PTCH1: variants seen among roughly 807,000 people sequenced by gnomAD.
The protein encoded by PTCH1 is patched 1.
Under a neutral mutation model 144.6 loss-of-function variants are expected in PTCH1, and 14 were observed. The observed-to-expected ratio is 0.10, with a 90% CI of 0.06 to 0.15. PTCH1 has a LOEUF of 0.15. PTCH1 is among the 10% of genes least tolerant of loss of function. PTCH1 has a pLI of 1.00. For synonymous variants in PTCH1, 833 were observed against 793.6 expected (o/e 1.05, Z -0.83); for missense variants, 1,623 against 1,948.3 (o/e 0.83, Z 3.14).
intron 2 of PTCH1, among the ~76,000 whole-genome samples, chr9:95,492,088 C>T (rs554699456): frequency 2.6e-5 from 4 of 152,250 alleles, no homozygotes; most frequent in South Asian, 2.1e-4. Flanking sequence ...GATGTCTCCT[C>T]GCCCCTACAC....
chr9:95,510,526 G>T (rs1036151187), upstream of PTCH1, among the ~76,000 whole-genome samples: 3 of 152,134 alleles, frequency 2.0e-5, no homozygotes, highest in African/African-American at 4.8e-5. Context: ...TTTGTTTTCG[G>T]AAAGTGGAAT....
At chr9:95,478,426 C>T (rs1239463506) in intron 8 of PTCH1, among the ~76,000 whole-genome samples, 2 of 152,134 alleles carry the variant, frequency 1.3e-5, no homozygotes, top group East Asian at 1.9e-4. Context: ...GGGCTGGTGT[C>T]GCTGGAGTTC....
exon 1 of PTCH1, chr9:95,516,552 T>C: frequency 6.5e-7 from 1 of 1,544,390 alleles, no homozygotes; most frequent in South Asian, 1.2e-5. Flanking sequence ...ATTCCTTTTT[T>C]TTCCCTGGCC....
At chr9:95,455,513 T>TAC (rs895769462) in intron 19 of PTCH1, among the ~76,000 whole-genome samples, 2 of 152,258 alleles carry the variant, frequency 1.3e-5, no homozygotes, top group Non-Finnish European at 2.9e-5. Flanking sequence ...GAACATAATT[T>TAC]ACACAGTTGT....
chr9:95,481,899 C>T (rs368688304), intron 5 of PTCH1, 50 bp downstream of exon 5: 26 of 1,450,766 alleles, frequency 1.8e-5, no homozygotes, highest in Non-Finnish European at 2.5e-5. Context: ...ATTAGAAACA[C>T]TGAGTCCTAG....
Position 95,449,469 on chromosome 9 carries a change from A to AC in PTCH1, c.3550-147dup. The stretch of plus-strand genomic sequence containing the variant: ...GTGCCGTATTAACCTCCCCTTCTCT[A>AC]CCACCTGGAGGACCTTCAGGTCCCG... On this transcript the variant is annotated intron_variant, in intron 21 of 23. Transcript: ENST00000331920. This position sits in a 1 kb window ranked among gnomAD's most constrained non-coding sequence, Gnocchi z 5.3. The AC allele has an allele frequency of 8.5e-7, 1 of 1,182,578 alleles. No individual in the cohort carries two copies. The highest frequency in any genetic ancestry group is 1.2e-6 in the Non-Finnish European group (1 of 831,572). 73.3% of individuals were successfully genotyped at this position (1,182,578 alleles called of 1,614,324 possible).
rs1280569674 is a variant in PTCH1, at chr9:95,503,744, C to T, written c.394+2663G>A. Reference sequence around the variant, plus strand: ...TATAAAAACAAAATAGGGCCGGGCGCGGTGGCTCACGCCTGTAATCCCAGC... The same window carrying T: ...TATAAAAACAAAATAGGGCCGGGCGTGGTGGCTCACGCCTGTAATCCCAGC... On this transcript the variant is annotated intron_variant, in intron 2 of 23. Coordinates refer to ENST00000331920, the MANE Select transcript of PTCH1 (RefSeq NM_000264.5). Among the ~76,000 whole-genome samples, 4 of 58,020 alleles carry T rather than the reference C, an allele frequency of 6.9e-5. 1 individual carries two copies. Among genetic ancestry groups the T allele is most frequent in the Admixed American group, 2.3e-4 (2 of 8,800 alleles). 38.1% of individuals were successfully genotyped at this position (58,020 alleles called of 152,430 possible).
At chr9:95,506,373 C>CCGGGGG in intron 2 of PTCH1, 34 bp downstream of exon 2, 3 of 1,603,508 alleles carry the variant, frequency 1.9e-6, no homozygotes, top group African/African-American at 1.3e-5. Context: ...AGGGACCGGG[C>CCGGGGG]CGGGGGCGCG....
rs1588544426 is a variant in PTCH1 at position 95,459,657 on chromosome 9, G to A, written c.2830C>T (p.His944Tyr). The change falls in exon 17 of 24, where the codon CAC becomes TAC. Residue 944 changes from histidine to tyrosine, a missense_variant. His to Tyr is a moderately conservative substitution (Grantham distance 83, BLOSUM62 2). Around this residue, in one of 7 missense-constraint regions of PTCH1, gnomAD observed 504 missense variants for 679.3 expected, o/e 0.74. Transcript: ENST00000331920. ...YAASQANIRP[H>Y]RPEWVHDKAD... is the part of the protein sequence containing the mutation. Reference sequence around the variant, plus strand: ...TTGTCGTGGACCCATTCTGGTCGGTGTGGCCGGATGTTGGCCTGGGAGGCA... The same window carrying A: ...TTGTCGTGGACCCATTCTGGTCGGTATGGCCGGATGTTGGCCTGGGAGGCA... 6.2e-7 allele frequency: 1 copy of A among 1,614,176 alleles called. No individual in the cohort carries two copies. The highest frequency in any genetic ancestry group is 1.3e-5 in the African/African-American group (1 of 75,044).
chr9:95,465,667 G>A lies in PTCH1; in HGVS notation c.2560+1449C>T, dbSNP rs147934541. The stretch of plus-strand genomic sequence containing the variant: ...TTGACCATTTCCTGCAAACTCTCAG[G>A]GAAACTGGCTGCTGAGTCTTTACAT... On this transcript the variant is annotated intron_variant, in intron 15 of 23. Transcript: ENST00000331920. 2.7e-3 allele frequency among the ~76,000 whole-genome samples: 409 copies of A among 152,220 alleles called. 4 individuals are homozygous for A. The highest frequency in any genetic ancestry group is 0.01 in the Middle Eastern group (3 of 294).
In PTCH1 at chr9:95,447,349, G is replaced by T. The variant is rs56102979; in HGVS notation, c.3907C>A (p.Arg1303Ser). Residue 1303 changes from arginine (R) to serine (S), a missense_variant, in exon 23 of 24, where the codon CGC (arginine) becomes AGC (serine). Around this residue, in one of 7 missense-constraint regions of PTCH1, gnomAD observed 291 missense variants for 287.4 expected, o/e 1.01. Coordinates refer to ENST00000331920, the MANE Select transcript of PTCH1 (RefSeq NM_000264.5). ...LPPGRQGQQP[R>S]RDPPREGLWP... is the part of the protein sequence containing the mutation. Reference sequence around the variant, plus strand: ...AAGCCTTCTCTGGGGGGGTCCCTGCGGGGCTGCTGGCCTTGCCGTCCGGGA... The same window carrying T: ...AAGCCTTCTCTGGGGGGGTCCCTGCTGGGCTGCTGGCCTTGCCGTCCGGGA... The T allele has an allele frequency of 6.2e-7, 1 of 1,613,288 alleles. No homozygotes were observed. The highest frequency in any genetic ancestry group is 8.5e-7 in the Non-Finnish European group (1 of 1,179,766).
chr9:95,507,505 T>G (rs1417326881), intron 1 of PTCH1: 2 of 945,268 alleles, frequency 2.1e-6, no homozygotes, highest in African/African-American at 1.8e-5. Flanking sequence ...AGGTGGCAAT[T>G]TGTTTACAAC....
Position 95,476,074 on chromosome 9 carries a change from G to A in PTCH1, c.1688C>T (p.Ala563Val). 2 of 1,614,052 alleles carry A rather than the reference G, an allele frequency of 1.2e-6. No homozygotes were observed. Among genetic ancestry groups the A allele is most frequent in the Non-Finnish European group, 1.7e-6 (2 of 1,179,992 alleles). Residue 563 changes from alanine (A) to valine (V), a missense_variant, in exon 12 of 24, where the codon GCG becomes GTG. Physicochemically the swap from Ala to Val is moderately conservative, Grantham distance 64. Transcript: ENST00000331920. The surrounding 1 kb of genome is among the most constrained non-coding windows in gnomAD (Gnocchi z 4.6). ...ISNVTAFFMA[A>V]LIPIPALRAF... ...CCGCAGAGCGGGAATTGGGATTAAC[G>A]CGGCCATGAAGAAGGCTGTGACATT...
chr9:95,495,287 G>A (rs1344532477), intron 2 of PTCH1: 1 of 152,194 alleles, frequency 6.6e-6, no homozygotes, highest in Non-Finnish European at 1.5e-5. Context: ...AAACGGAAGG[G>A]TGGAGGTGGG....
chr9:95,454,177 G>C (rs1393155052), intron 19 of PTCH1, among the ~76,000 whole-genome samples: 1 of 152,226 alleles, frequency 6.6e-6, no homozygotes, highest in African/African-American at 2.4e-5. Context: ...TCTGAACATT[G>C]TGTGGACACA....
At chr9:95,472,358 A>G (rs965383449) in intron 12 of PTCH1, among the ~76,000 whole-genome samples, 2 of 142,288 alleles carry the variant, frequency 1.4e-5, no homozygotes, top group Non-Finnish European at 3.1e-5. Flanking sequence ...AGCTCAGCTG[A>G]GAACCGGGAG....
At chr9:95,465,262 GAC>G (rs1365365267) in intron 15 of PTCH1, among the ~76,000 whole-genome samples, 1 of 152,126 alleles carries the variant, frequency 6.6e-6, no homozygotes, top group Non-Finnish European at 1.5e-5. Flanking sequence ...AATGGCCAAA[GAC>G]ACTGAAATAC....
rs1357313226 is a variant in PTCH1, at chr9:95,458,490, T to G, written c.2888-197A>C. On this transcript the variant is annotated intron_variant, in intron 17 of 23. Coordinates refer to ENST00000331920, the MANE Select transcript of PTCH1 (RefSeq NM_000264.5). The surrounding 1 kb of genome is among the most constrained non-coding windows in gnomAD (Gnocchi z 4.7). ...TTTAAAAATGTTTAACTCTGTGATGTGTGTATTTTTTAAGATTTGATTTTA... is the reference window on the plus strand; with the variant it reads ...TTTAAAAATGTTTAACTCTGTGATGGGTGTATTTTTTAAGATTTGATTTTA... Among the ~76,000 whole-genome samples, 2 of 152,232 alleles carry G rather than the reference T, an allele frequency of 1.3e-5. No individual in the cohort carries two copies. Among genetic ancestry groups the G allele is most frequent in the Admixed American group, 1.3e-4 (2 of 15,284 alleles).
At position 95,449,242 on chromosome 9, in the gene PTCH1, G is replaced by T; in HGVS notation, c.3631C>A (p.Pro1211Thr). ...TCAGACCCGCTGTGCGTGTGGCCGG[G>T]CGGCATGGCGAAGCGGACCACGCTG... Reference protein sequence around the residue: ...PPSVVRFAMPPGHTHSGSDSS... With the variant: ...PPSVVRFAMPTGHTHSGSDSS... The change falls in exon 22 of 24, where the codon CCC (proline) becomes ACC (threonine). Residue 1211 changes from proline to threonine, a missense_variant. Pro to Thr is a conservative substitution (Grantham distance 38). Around this residue, in one of 7 missense-constraint regions of PTCH1, gnomAD observed 504 missense variants for 679.3 expected, o/e 0.74. Coordinates refer to ENST00000331920, the MANE Select transcript of PTCH1 (RefSeq NM_000264.5). The surrounding 1 kb of genome is among the most constrained non-coding windows in gnomAD (Gnocchi z 5.3). 6.3e-7 allele frequency: 1 copy of T among 1,581,428 alleles called. No individual in the cohort carries two copies. The highest frequency in any genetic ancestry group is 8.6e-7 in the Non-Finnish European group (1 of 1,163,548).
Sources: allele counts gnomAD v4.1 joint callset (sites outside exome capture counted in the v4.1 genomes callset), GRCh38; gene constraint gnomAD v4.1.1; regional missense constraint gnomAD v4.1.1; non-coding constraint Gnocchi (gnomAD v3.1); transcripts MANE v1.5; gene names NCBI Gene and HGNC (gene_info 2026-07-23, HGNC 2026-07-21).